Variants in ALG6 observed in about 807,000 individuals in gnomAD.
ALG6 encodes the protein ALG6 alpha-1,3-glucosyltransferase.
In ALG6, 46 loss-of-function variants were observed where a neutral mutation model predicts 66.6. The observed-to-expected ratio is 0.69, with a 90% confidence interval of 0.55 to 0.88. The LOEUF is 0.88. ALG6 is among the 40% of genes least tolerant of loss of function. The probability of loss-of-function intolerance (pLI) is 0.00; values close to 1 mark genes in which losing one functional copy is unlikely to be tolerated. For missense variants in ALG6, 505 were observed against 586.8 expected (o/e 0.86, Z 1.44); for synonymous variants, 185 against 203.7 (o/e 0.91, Z 0.78).
intron 2 of ALG6, among the ~76,000 whole-genome samples, chr1:63,384,389 T>C (rs938253899): frequency 6.6e-6 from 1 of 152,218 alleles, no homozygotes; most frequent in Admixed American, 6.5e-5. Context: ...ATATTCTGGT[T>C]GTTAATCCCT....
chr1:63,422,303 AAATATATATCTATATATG>A (rs1644586795), intron 12 of ALG6, among the ~76,000 whole-genome samples: 1 of 86,072 alleles, frequency 1.2e-5, no homozygotes, highest in South Asian at 2.9e-4. Flanking sequence ...ATATAGATAT[AAATATATATCTATATATG>A]AATATATATC....
At chr1:63,397,295 C>T (rs892038517) in intron 3 of ALG6, among the ~76,000 whole-genome samples, 5 of 152,002 alleles carry the variant, frequency 3.3e-5, no homozygotes, top group African/African-American at 7.3e-5. Flanking sequence ...AAGCGATTCT[C>T]CTGCCTCAGC....
At chr1:63,387,356 G>T (rs1026697396) in intron 2 of ALG6, among the ~76,000 whole-genome samples, 20 of 151,948 alleles carry the variant, frequency 1.3e-4, no homozygotes, top group African/African-American at 4.6e-4. Context: ...GATTTGTCCA[G>T]TGCTGAAATT....
chr1:63,387,532 CTTTTTTT>C (rs760731397), intron 2 of ALG6, among the ~76,000 whole-genome samples: 2,390 of 59,362 alleles, frequency 0.04, 48 homozygotes, highest in African/African-American at 0.15. Flanking sequence ...TTGTCTTTCT[CTTTTTTT>C]TTTTTTTTTT....
chr1:63,412,604 C>T (rs1445319290), intron 9 of ALG6, among the ~76,000 whole-genome samples: 1 of 152,088 alleles, frequency 6.6e-6, no homozygotes, highest in African/African-American at 2.4e-5. Context: ...AACTAATAAT[C>T]ATGTTGCTTC....
At chr1:63,422,266 T>TTC (rs1644585001) in intron 12 of ALG6, among the ~76,000 whole-genome samples, 1 of 78,942 alleles carries the variant, frequency 1.3e-5, no homozygotes, top group Non-Finnish European at 2.2e-5. Context: ...TATATAGATA[T>TTC]AAATATATAT....
chr1:63,369,874 A>G (rs542774175), intron 1 of ALG6, among the ~76,000 whole-genome samples: 2 of 151,834 alleles, frequency 1.3e-5, no homozygotes, highest in South Asian at 4.2e-4. Context: ...GCTGGAGTGC[A>G]ATGGTGCGAT....
intron 4 of ALG6, among the ~76,000 whole-genome samples, chr1:63,403,898 CGTT>C (rs1354370281): frequency 6.6e-6 from 1 of 152,050 alleles, no homozygotes; most frequent in Non-Finnish European, 1.5e-5. Context: ...TATGCGGTGT[CGTT>C]ATGAGTGTAT....
At chr1:63,429,666 G>A (rs1480346379) in intron 14 of ALG6, 2 of 153,192 alleles carry the variant, frequency 1.3e-5, no homozygotes, top group Non-Finnish European at 2.9e-5. Flanking sequence ...TTCTTGTAAG[G>A]ACACCAGTAC....
At chr1:63,413,890 G>GAC in intron 9 of ALG6, 171 bp from the exon 10 acceptor site, 1 of 543,334 alleles carries the variant, frequency 1.8e-6, no homozygotes, top group East Asian at 3.3e-5. Flanking sequence ...AAATGCTTGA[G>GAC]ACAGTGTATG....
At chr1:63,421,396 T>C (rs11208209) in intron 12 of ALG6, among the ~76,000 whole-genome samples, 54,571 of 151,840 alleles carry the variant, frequency 0.36, 10,033 homozygotes, top group East Asian at 0.48. Flanking sequence ...AGTTCAACCA[T>C]TGTGGAAGAT....
Position 63,422,382 on chromosome 1 carries a change from AAT to A in ALG6, c.1058+2950_1058+2951del, listed in dbSNP as rs1232372448. The stretch of plus-strand genomic sequence containing the variant: ...ATAAATATAAATATATATAAGTATA[AAT>A]ATATATAAATATATATCTATATAAA... On this transcript the variant is annotated intron_variant, in intron 12 of 14. Transcript: ENST00000263440. 6.1e-4 allele frequency among the ~76,000 whole-genome samples: 59 copies of A among 97,352 alleles called. 4 individuals carry two copies. The highest frequency in any genetic ancestry group is 2.3e-3 in the African/African-American group (54 of 23,206). 63.9% of individuals were successfully genotyped at this position (97,352 alleles called of 152,430 possible).
chr1:63,396,531 T>C lies in ALG6; in HGVS notation c.101T>C (p.Met34Thr), dbSNP rs750689981. 14 of 1,614,018 alleles carry C rather than the reference T, an allele frequency of 8.7e-6. No individual in the cohort carries two copies. The highest frequency in any genetic ancestry group is 1.0e-5 in the Non-Finnish European group (12 of 1,180,002). The change falls in exon 3 of 15, where the codon ATG (methionine) becomes ACG (threonine). Residue 34 changes from methionine (M) to threonine (T), a missense_variant. By Grantham distance (81) the Met-to-Thr change is moderately conservative (BLOSUM62 -1). Coordinates refer to ENST00000263440, the MANE Select transcript of ALG6 (RefSeq NM_013339.4). ...NSYSGAGKPPMFGDYEAQRHW... is the reference protein window; with the variant it reads ...NSYSGAGKPPTFGDYEAQRHW... ...ATCTTAGGTGCTGGTAAACCGCCTA[T>C]GTTTGGTGATTATGAAGCTCAGAGA...
chr1:63,404,496 C>T lies in ALG6; in HGVS notation c.301C>T (p.Arg101Cys), dbSNP rs773328749. Residue 101 changes from arginine to cysteine, a missense_variant, in exon 5 of 15, where the codon CGT (arginine) becomes TGT (cysteine). Transcript: ENST00000263440. ...NPDWIALHTSRGYESQAHKLF... is the reference protein window; with the variant it reads ...NPDWIALHTSCGYESQAHKLF... ...AGACTGGATTGCTCTCCATACATCA[C>T]GTGGATATGAGAGTCAGGCACATAA... The T allele has an allele frequency of 6.2e-6, 10 of 1,613,552 alleles. No homozygotes were observed. The East Asian group carries it at 1.1e-4, about 18-fold the overall frequency.
intron 2 of ALG6, among the ~76,000 whole-genome samples, chr1:63,377,876 G>A (rs1648184617): frequency 6.6e-6 from 1 of 152,092 alleles, no homozygotes; most frequent in Non-Finnish European, 1.5e-5. Flanking sequence ...TGGAACTACA[G>A]GTGCTTGCCA....
At chr1:63,389,554 C>G (rs1371498186) in intron 2 of ALG6, among the ~76,000 whole-genome samples, 1 of 152,198 alleles carries the variant, frequency 6.6e-6, no homozygotes, top group Non-Finnish European at 1.5e-5. Flanking sequence ...TCACATACCT[C>G]TATCACTCTG....
In ALG6 at chr1:63,411,225, G is replaced by A. The variant is rs878890161; in HGVS notation, c.574G>A (p.Ala192Thr). 6 of 1,613,748 alleles carry A rather than the reference G, an allele frequency of 3.7e-6. No individual in the cohort carries two copies. In the Admixed American group the frequency reaches 6.7e-5, roughly 18 times the overall value. The change falls in exon 8 of 15, where the codon GCA (alanine) becomes ACA (threonine). Residue 192 changes from alanine to threonine, a missense_variant. Transcript: ENST00000263440. ...SCDCDLLGSLAFCLAINYKQM... is the reference protein window; with the variant it reads ...SCDCDLLGSLTFCLAINYKQM... Reference sequence around the variant, plus strand: ...TGACTGCGACCTCCTAGGGTCACTGGCATTTTGCTTAGCTATAAATTATAA... The same window carrying A: ...TGACTGCGACCTCCTAGGGTCACTGACATTTTGCTTAGCTATAAATTATAA...
intron 3 of ALG6, among the ~76,000 whole-genome samples, chr1:63,401,186 A>G (rs1204558160): frequency 6.6e-6 from 1 of 152,184 alleles, no homozygotes; most frequent in Non-Finnish European, 1.5e-5. Flanking sequence ...GCTGTCTACC[A>G]TGCCTTGATA....
At chr1:63,376,664 A>G (rs1225325542) in intron 2 of ALG6, among the ~76,000 whole-genome samples, 5 of 152,204 alleles carry the variant, frequency 3.3e-5, no homozygotes, top group Non-Finnish European at 4.4e-5. Context: ...ATTTAAGTAG[A>G]TGGTAGAAAG....
Sources: gnomAD v4.1 joint callset for allele counts (sites outside exome capture counted in the v4.1 genomes callset) on GRCh38, gnomAD v4.1.1 for gene constraint, MANE v1.5 for transcripts, NCBI Gene and HGNC (gene_info 2026-07-23, HGNC 2026-07-21) for gene names.